Variants in CACNA1C observed in about 807,000 individuals in gnomAD.
CACNA1C encodes calcium voltage-gated channel subunit alpha1 C.
CACNA1C carries 30 observed loss-of-function variants against 229.0 expected under a neutral mutation model. That is an observed-to-expected ratio of 0.13 (90% CI 0.10 to 0.18). CACNA1C has a LOEUF of 0.18. Ranked by LOEUF, CACNA1C falls within the 10% of genes least tolerant of loss-of-function variation. The pLI is 1.00. For synonymous variants in CACNA1C, 1,114 were observed against 1,132.5 expected, an observed-to-expected ratio of 0.98 and a Z score of 0.33; for missense variants, 1,658 against 2,845.0, an observed-to-expected ratio of 0.58 and a Z score of 9.49.
At chr12:2,594,094 A>C (rs1479596068) in intron 19 of CACNA1C, among the ~76,000 whole-genome samples, 1 of 152,224 alleles carries the variant, frequency 6.6e-6, no homozygotes, top group Non-Finnish European at 1.5e-5. Context: ...TGAGTAACCT[A>C]ACGTTTATTT....
intron 3 of CACNA1C, among the ~76,000 whole-genome samples, chr12:2,412,621 C>A (rs1170498335): frequency 6.6e-6 from 1 of 152,216 alleles, no homozygotes; most frequent in Non-Finnish European, 1.5e-5. Flanking sequence ...TCAGTCACCT[C>A]CGCTTCATAG....
Position 2,287,682 on chromosome 12 carries a change from C to T in CACNA1C, c.478-161294C>T, listed in dbSNP as rs1189846139. On this transcript the variant is annotated intron_variant, in intron 3 of 46. Transcript: ENST00000399655. This position sits in a 1 kb window ranked among gnomAD's most constrained non-coding sequence, Gnocchi z 4.6. Reference sequence around the variant, plus strand: ...AGGATCCTACAGTCTACTCCACGCCCTTCATTTTCAAACTTGAGTGGGCAC... The same window carrying T: ...AGGATCCTACAGTCTACTCCACGCCTTTCATTTTCAAACTTGAGTGGGCAC... Among the ~76,000 whole-genome samples, 4 of 152,190 alleles carry T rather than the reference C, an allele frequency of 2.6e-5. No individual in the cohort carries two copies. Among genetic ancestry groups the T allele is most frequent in the Non-Finnish European group, 5.9e-5 (4 of 68,030 alleles).
rs2097122355 is a variant in CACNA1C at position 2,348,720 on chromosome 12, G to A, written c.478-100256G>A. On this transcript the variant is annotated intron_variant, in intron 3 of 46. Transcript: ENST00000399655. The surrounding 1 kb of genome is among the most constrained non-coding windows in gnomAD (Gnocchi z 4.7). ...GAGTGTGGGGCGCCCTGGAGAAGGA[G>A]CTGGGAATGTCTCGGGGGAAAGGTT... Among the ~76,000 whole-genome samples the A allele has an allele frequency of 6.6e-6, 1 of 152,124 alleles. No individual in the cohort carries two copies. The highest frequency in any genetic ancestry group is 2.4e-5 in the African/African-American group (1 of 41,420).
intron 1 of CACNA1C, among the ~76,000 whole-genome samples, chr12:2,042,094 C>T (rs986160989): frequency 1.3e-5 from 2 of 152,178 alleles, no homozygotes; most frequent in Non-Finnish European, 2.9e-5. Flanking sequence ...ATAAACACTG[C>T]AGCTATTTGA....
At chr12:2,281,568 A>T (rs1258495323) in intron 3 of CACNA1C, among the ~76,000 whole-genome samples, 1 of 152,164 alleles carries the variant, frequency 6.6e-6, no homozygotes. Flanking sequence ...TTCTCAGGTG[A>T]TAGTTTTTCC....
At chr12:2,518,556 C>T (rs868159348) in intron 9 of CACNA1C, among the ~76,000 whole-genome samples, 2 of 150,844 alleles carry the variant, frequency 1.3e-5, no homozygotes, top group Admixed American at 6.6e-5. Flanking sequence ...TGCAGTGAGC[C>T]GAGATCGCGC....
At chr12:2,159,460 T>C (rs2095721825) in intron 3 of CACNA1C, among the ~76,000 whole-genome samples, 1 of 152,104 alleles carries the variant, frequency 6.6e-6, no homozygotes, top group South Asian at 2.1e-4. Context: ...GCTGTGATTG[T>C]ACCAGCCTTG....
intron 3 of CACNA1C, among the ~76,000 whole-genome samples, chr12:2,435,601 G>A (rs2099126832): frequency 6.6e-6 from 1 of 152,188 alleles, no homozygotes; most frequent in Non-Finnish European, 1.5e-5. Flanking sequence ...GTTGCACCCC[G>A]AGTGCTGGGA....
chr12:1,979,964 CA>C (rs1210904710), intron 1 of CACNA1C, among the ~76,000 whole-genome samples: 1 of 151,874 alleles, frequency 6.6e-6, no homozygotes, highest in African/African-American at 2.4e-5. Context: ...TTAAAAAAAA[CA>C]AACAATATCA....
intron 1 of CACNA1C, among the ~76,000 whole-genome samples, chr12:2,101,227 C>A (rs1264321046): frequency 2.0e-5 from 3 of 152,150 alleles, no homozygotes; most frequent in Non-Finnish European, 2.9e-5. Flanking sequence ...CAATTTGGTA[C>A]TGGTATCATT....
At chr12:2,105,765 GGGCGTCCTGAAGCCACT>G (rs2078154670) in intron 1 of CACNA1C, among the ~76,000 whole-genome samples, 1 of 21,844 alleles carries the variant, frequency 4.6e-5, no homozygotes, top group Admixed American at 4.6e-4. Context: ...CACCTCAGCT[GGGCGTCCTGAAGCCACT>G]GGGCGCCCAC....
chr12:2,474,335 A>C (rs1258453532), intron 5 of CACNA1C, among the ~76,000 whole-genome samples: 1 of 152,152 alleles, frequency 6.6e-6, no homozygotes. Context: ...GCACAAAGAG[A>C]ATGTCGCAAA....
At chr12:1,977,336 TC>T (rs1303575162) in intron 1 of CACNA1C, among the ~76,000 whole-genome samples, 1 of 152,304 alleles carries the variant, frequency 6.6e-6, no homozygotes, top group South Asian at 2.1e-4. Flanking sequence ...GGTGTCATTC[TC>T]CGTCTCTACC....
chr12:2,444,083 C>G (rs1245937627), intron 3 of CACNA1C, among the ~76,000 whole-genome samples: 5 of 152,296 alleles, frequency 3.3e-5, no homozygotes, highest in Admixed American at 3.3e-4. Flanking sequence ...CTGGGCCCTT[C>G]CAGTTCTATC....
intron 3 of CACNA1C, among the ~76,000 whole-genome samples, chr12:2,205,529 T>C (rs1298630357): frequency 6.6e-5 from 10 of 152,228 alleles, no homozygotes; most frequent in Non-Finnish European, 1.0e-4. Context: ...TAATTCTATA[T>C]TTATTTATAT....
At chr12:2,294,769 C>T (rs1363103145) in intron 3 of CACNA1C, among the ~76,000 whole-genome samples, 4 of 152,126 alleles carry the variant, frequency 2.6e-5, no homozygotes, top group Non-Finnish European at 4.4e-5. Flanking sequence ...ACTGCGGGCG[C>T]GTTGTTGGTC....
At position 2,605,359 on chromosome 12, in the gene CACNA1C, A is replaced by G. The variant is rs984246561; in HGVS notation, c.3048+191A>G. ...AATAGTAACAGAGGCAGCCATCCCA[A>G]GTGTCTGCCCTAAGCAGAATGTGCC... On this transcript the variant is annotated intron_variant, in intron 23 of 46. Coordinates refer to ENST00000399655, the MANE Select transcript of CACNA1C (RefSeq NM_000719.7). This position sits in a 1 kb window ranked among gnomAD's most constrained non-coding sequence, Gnocchi z 6.2. 1.3e-5 allele frequency among the ~76,000 whole-genome samples: 2 copies of G among 152,166 alleles called. No individual in the cohort carries two copies. The highest frequency in any genetic ancestry group is 4.8e-5 in the African/African-American group (2 of 41,446).
chr12:2,651,684 G>A lies in CACNA1C; in HGVS notation c.3990G>A (p.Leu1330=). 1 of 1,613,952 alleles carries A rather than the reference G, an allele frequency of 6.2e-7. No individual in the cohort carries two copies. Among genetic ancestry groups the A allele is most frequent in the Non-Finnish European group, 8.5e-7 (1 of 1,179,876 alleles). Residue 1330 remains leucine, a synonymous_variant, in exon 32 of 47, where the codon CTG becomes CTA. Transcript: ENST00000399655. The surrounding 1 kb of genome is among the most constrained non-coding windows in gnomAD (Gnocchi z 5.4). The part of the protein sequence containing the change: ...NSRISITFFR[L]FRVMRLVKLL... ...GCATCTCCATCACCTTCTTCCGCCT[G>A]TTCCGGGTCATGCGTCTGGTGAAGC...
chr12:2,432,417 A>C (rs190628953), intron 3 of CACNA1C, among the ~76,000 whole-genome samples: 1 of 152,310 alleles, frequency 6.6e-6, no homozygotes, highest in African/African-American at 2.4e-5. Flanking sequence ...GGAGATGACC[A>C]TCCTGATCAT....
Sources: allele counts gnomAD v4.1 joint callset (sites outside exome capture counted in the v4.1 genomes callset), GRCh38; gene constraint gnomAD v4.1.1; non-coding constraint Gnocchi (gnomAD v3.1); transcripts MANE v1.5; gene names NCBI Gene and HGNC (gene_info 2026-07-23, HGNC 2026-07-21).